Variants in EPS8 observed in about 807,000 individuals in gnomAD.
EPS8 encodes the protein EGFR pathway substrate 8, signaling adaptor.
In EPS8, 42 loss-of-function variants were observed where a neutral mutation model predicts 103.8. The ratio of observed to expected loss-of-function variants is 0.40; its 90% CI spans 0.32 to 0.52. EPS8 has a LOEUF of 0.52. Ranked by LOEUF, EPS8 falls within the 20% of genes least tolerant of loss-of-function variation. EPS8 has a pLI of 0.40. For missense variants in EPS8, 969 were observed against 1,005.1 expected (o/e 0.96, Z 0.49); for synonymous variants, 344 against 344.6 (o/e 1.00, Z 0.02).
chr12:15,676,254 C>T (rs1945904961), intron 3 of EPS8, among the ~76,000 whole-genome samples: 1 of 112,054 alleles, frequency 8.9e-6, no homozygotes, highest in Admixed American at 1.1e-4. Context: ...GGCAAGACTC[C>T]ATCTCAAAAA....
At chr12:15,667,574 T>C (rs760315331) in intron 6 of EPS8, among the ~76,000 whole-genome samples, 11 of 152,084 alleles carry the variant, frequency 7.2e-5, no homozygotes, top group Admixed American at 2.0e-4. Flanking sequence ...AAACTGAAGA[T>C]GCCTAGGAAT....
chr12:15,759,279 G>T lies in EPS8; in HGVS notation c.-22+29882C>A, dbSNP rs1947018205. Among the ~76,000 whole-genome samples the T allele has an allele frequency of 6.6e-6, 1 of 152,074 alleles. No homozygotes were observed. Among genetic ancestry groups the T allele is most frequent in the Non-Finnish European group, 1.5e-5 (1 of 67,968 alleles). On this transcript the variant is annotated intron_variant, in intron 1 of 20. Transcript: ENST00000281172. This position sits in a 1 kb window ranked among gnomAD's most constrained non-coding sequence, Gnocchi z 4.9. ...GAACATCTATTAATTCAATTGGGAA[G>T]CTGAATAGTTTCTTGCCAAATAAAT...
Position 15,757,160 on chromosome 12 carries a change from A to C in EPS8, c.-22+32001T>G, listed in dbSNP as rs1946993909. On this transcript the variant is annotated intron_variant, in intron 1 of 20. Transcript: ENST00000281172. The surrounding 1 kb of genome is among the most constrained non-coding windows in gnomAD (Gnocchi z 4.1). ...GAAATATTTATTAAATCAAGCTACA[A>C]AATGGAGAGACTGAATAAAATGATT... is the stretch of plus-strand genomic sequence containing the variant. Among the ~76,000 whole-genome samples the C allele has an allele frequency of 6.6e-6, 1 of 152,196 alleles. No homozygotes were observed. Among genetic ancestry groups the C allele is most frequent in the South Asian group, 2.1e-4 (1 of 4,836 alleles).
chr12:15,670,075 A>G (rs1398302741), intron 4 of EPS8, among the ~76,000 whole-genome samples: 1 of 152,236 alleles, frequency 6.6e-6, no homozygotes, highest in Non-Finnish European at 1.5e-5. Context: ...GCCATGTTGA[A>G]CTACATAAAC....
At chr12:15,739,438 G>T (rs74063364) in intron 1 of EPS8, among the ~76,000 whole-genome samples, 11,293 of 152,146 alleles carry the variant, frequency 0.074, 1,365 homozygotes, top group African/African-American at 0.25. Context: ...GGTGGCCTGG[G>T]GAGGAGGATC....
rs1364020504 is a variant in EPS8, at chr12:15,660,711, A to C, written c.840T>G (p.Ile280Met). ...TTTGGAGTTTTGTGATAAAAAATTC[A>C]ATGTCATCCAAAATGTGGTTTAAGA... The part of the protein sequence containing the change: ...VQILNHILDD[I>M]EFFITKLQKA... The change falls in exon 10 of 21, where the codon ATT becomes ATG. Residue 280 changes from isoleucine (I) to methionine (M), a missense_variant. Coordinates refer to ENST00000281172, the MANE Select transcript of EPS8 (RefSeq NM_004447.6). 2 of 1,608,468 alleles carry C rather than the reference A, an allele frequency of 1.2e-6. No individual in the cohort carries two copies. Among genetic ancestry groups the C allele is most frequent in the South Asian group, 2.2e-5 (2 of 90,588 alleles).
In EPS8 at chr12:15,764,549, C is replaced by T. The variant is rs1947074103; in HGVS notation, c.-22+24612G>A. ...ACAGGCCTTTGAAGAACTTTTCTCT[C>T]TCTAAATCTATGACTATACAACCTA... On this transcript the variant is annotated intron_variant, in intron 1 of 20. Coordinates refer to ENST00000281172, the MANE Select transcript of EPS8 (RefSeq NM_004447.6). This position sits in a 1 kb window ranked among gnomAD's most constrained non-coding sequence, Gnocchi z 4.1. Among the ~76,000 whole-genome samples, 1 of 152,230 alleles carries T rather than the reference C, an allele frequency of 6.6e-6. No individual in the cohort carries two copies. Among genetic ancestry groups the T allele is most frequent in the Admixed American group, 6.5e-5 (1 of 15,278 alleles).
chr12:15,767,753 C>T lies in EPS8; in HGVS notation c.-22+21408G>A, dbSNP rs1947111947. Among the ~76,000 whole-genome samples the T allele has an allele frequency of 6.6e-6, 1 of 152,216 alleles. No individual in the cohort carries two copies. The highest frequency in any genetic ancestry group is 1.5e-5 in the Non-Finnish European group (1 of 68,036). On this transcript the variant is annotated intron_variant, in intron 1 of 20. Transcript: ENST00000281172. This position sits in a 1 kb window ranked among gnomAD's most constrained non-coding sequence, Gnocchi z 5.5. The stretch of plus-strand genomic sequence containing the variant: ...ATGGTTGGTGGCAACAGCTCTCCTT[C>T]CAGGAATACCTGTCAAAATACTCAT...
rs779353547 is a variant in EPS8 at position 15,669,426 on chromosome 12, G to T, written c.477C>A (p.Asn159Lys). The T allele has an allele frequency of 3.7e-6, 6 of 1,613,948 alleles. No homozygotes were observed. The Admixed American group carries it at 1.0e-4, about 27-fold the overall frequency. ...LALVCKEPTQ[N>K]KPDLHLFQCD... The stretch of plus-strand genomic sequence containing the variant: ...ACTGGAAGAGATGAAGATCTGGCTT[G>T]TTCTGGGTTGGCTCTTTGCACACCA... Residue 159 changes from asparagine to lysine, a missense_variant, in exon 6 of 21, where the codon AAC becomes AAA. By Grantham distance (94) the Asn-to-Lys change is moderately conservative (BLOSUM62 0). Coordinates refer to ENST00000281172, the MANE Select transcript of EPS8 (RefSeq NM_004447.6).
chr12:15,670,846 A>G lies in EPS8; in HGVS notation c.204+10T>C. The G allele has an allele frequency of 6.3e-7, 1 of 1,594,796 alleles. No individual in the cohort carries two copies. The highest frequency in any genetic ancestry group is 8.6e-7 in the Non-Finnish European group (1 of 1,163,914). On this transcript the variant is annotated intron_variant, in intron 4 of 20. Coordinates refer to ENST00000281172, the MANE Select transcript of EPS8 (RefSeq NM_004447.6). The stretch of plus-strand genomic sequence containing the variant: ...CACTCTAAATACTAGCAAACACCAA[A>G]GCATCTTACTTCAACACGGTATTGA...
chr12:15,682,759 G>T, intron 2 of EPS8, 134 bp downstream of exon 2: 1 of 598,948 alleles, frequency 1.7e-6, no homozygotes, highest in East Asian at 3.2e-5. Flanking sequence ...TTGTAACAAA[G>T]ATATTACATA....
intron 1 of EPS8, among the ~76,000 whole-genome samples, chr12:15,758,053 C>T (rs1947005395): frequency 1.3e-5 from 2 of 152,182 alleles, no homozygotes; most frequent in South Asian, 4.1e-4. Context: ...CCTAGGCTTC[C>T]TCACAGTGTG....
chr12:15,683,244 A>G, intron 1 of EPS8: 1 of 225,290 alleles, frequency 4.4e-6, no homozygotes, highest in Non-Finnish European at 8.5e-6. Context: ...GAGTTCTCAA[A>G]GCATATAGAC....
At chr12:15,783,546 G>A (rs914122907) in intron 1 of EPS8, among the ~76,000 whole-genome samples, 4 of 152,012 alleles carry the variant, frequency 2.6e-5, no homozygotes, top group African/African-American at 9.7e-5. Flanking sequence ...ATTTCTAGCT[G>A]GTGCATACAT....
intron 12 of EPS8, among the ~76,000 whole-genome samples, chr12:15,656,743 A>C (rs1945514252): frequency 6.6e-6 from 1 of 152,122 alleles, no homozygotes; most frequent in South Asian, 2.1e-4. Context: ...GATACAACTC[A>C]ATTTTGATAT....
Position 15,749,513 on chromosome 12 carries a change from T to C in EPS8, c.-22+39648A>G, listed in dbSNP as rs917362876. Among the ~76,000 whole-genome samples, 2 of 152,116 alleles carry C rather than the reference T, an allele frequency of 1.3e-5. No individual in the cohort carries two copies. Among genetic ancestry groups the C allele is most frequent in the Non-Finnish European group, 2.9e-5 (2 of 68,008 alleles). On this transcript the variant is annotated intron_variant, in intron 1 of 20. Transcript: ENST00000281172. The surrounding 1 kb of genome is among the most constrained non-coding windows in gnomAD (Gnocchi z 4.0). ...TCCAAGATATATGTTCAGTCCAAAA[T>C]AGAAAATAATCTCCTTACAAGAAAA...
intron 1 of EPS8, among the ~76,000 whole-genome samples, chr12:15,711,402 T>C (rs1396881652): frequency 6.6e-6 from 1 of 152,168 alleles, no homozygotes. Flanking sequence ...TCCTCTTATA[T>C]ACAATTTGCT....
intron 10 of EPS8, 22 bp from the exon 11 acceptor site, chr12:15,658,607 G>C: frequency 6.7e-7 from 1 of 1,487,492 alleles, no homozygotes; most frequent in East Asian, 2.3e-5. Context: ...AGCGAGAGGA[G>C]AGGATCAGAG....
In EPS8 at chr12:15,738,655, C is replaced by G. The variant is rs148388022; in HGVS notation, c.-22+50506G>C. ...CTAGGGCATTTTAAGTACCTTAAAG[C>G]ACTTGTGTTGTATTTAATATCAGTC... On this transcript the variant is annotated intron_variant, in intron 1 of 20. Transcript: ENST00000281172. This position sits in a 1 kb window ranked among gnomAD's most constrained non-coding sequence, Gnocchi z 6.2. Among the ~76,000 whole-genome samples the G allele has an allele frequency of 2.7e-3, 408 of 152,188 alleles. 4 individuals are homozygous for G. The highest frequency in any genetic ancestry group is 8.3e-3 in the African/African-American group (343 of 41,518).
Sources: gnomAD v4.1 joint callset for allele counts (sites outside exome capture counted in the v4.1 genomes callset) on GRCh38, gnomAD v4.1.1 for gene constraint, Gnocchi (gnomAD v3.1) non-coding constraint, MANE v1.5 for transcripts, NCBI Gene and HGNC (gene_info 2026-07-23, HGNC 2026-07-21) for gene names.